Variants in KMO observed in about 807,000 individuals in gnomAD.
KMO encodes the protein kynurenine 3-monooxygenase, also known as kynurenine 3-hydroxylase.
KMO carries 24 observed loss-of-function variants against 57.8 expected under a neutral mutation model. The ratio of observed to expected loss-of-function variants is 0.42; its 90% confidence interval spans 0.30 to 0.58. The LOEUF (loss-of-function observed/expected upper bound fraction) is 0.58, where lower values mean the gene tolerates loss of function less well. Among genes scored for constraint, KMO ranks in the 20% least tolerant of loss-of-function variants. KMO has a pLI of 0.22. For synonymous variants in KMO, 210 were observed against 193.6 expected, an observed-to-expected ratio of 1.08 and a Z score of -0.70; for missense variants, 483 against 588.2, an observed-to-expected ratio of 0.82 and a Z score of 1.85.
At chr1:241,539,599 C>T (rs911271918) in intron 1 of KMO, among the ~76,000 whole-genome samples, 6 of 152,210 alleles carry the variant, frequency 3.9e-5, no homozygotes, top group South Asian at 2.1e-4. Flanking sequence ...GAATCTCTTT[C>T]GTGTGCTTTG....
chr1:241,539,605 C>A (rs1660884098), intron 1 of KMO, among the ~76,000 whole-genome samples: 1 of 152,196 alleles, frequency 6.6e-6, no homozygotes, highest in South Asian at 2.1e-4. Context: ...CTTTCGTGTG[C>A]TTTGCAGTTA....
chr1:241,567,317 G>T (rs537802673), intron 9 of KMO, among the ~76,000 whole-genome samples: 2 of 152,326 alleles, frequency 1.3e-5, no homozygotes, highest in South Asian at 4.1e-4. Context: ...AGCAGATTCG[G>T]TGTCTGGTGA....
At chr1:241,533,082 C>T (rs1165738971) in intron 1 of KMO, among the ~76,000 whole-genome samples, 1 of 152,220 alleles carries the variant, frequency 6.6e-6, no homozygotes, top group Non-Finnish European at 1.5e-5. Context: ...TCACTGAGCA[C>T]GTGACGTAAA....
Position 241,580,684 on chromosome 1 carries a change from A to G in KMO, c.958-5995A>G, listed in dbSNP as rs1030472202. 5.9e-5 allele frequency among the ~76,000 whole-genome samples: 9 copies of G among 152,012 alleles called. No homozygotes were observed. The East Asian group carries it at 1.5e-3, about 26-fold the overall frequency. ...AAAGTTTCTCTTGTTATTTATTTCT[A>G]GTTTCATCTCACTGTGGTCAGAAAA... On this transcript the variant is annotated intron_variant, in intron 10 of 14. Transcript: ENST00000366559.
At chr1:241,584,101 G>A (rs561200241) in intron 10 of KMO, among the ~76,000 whole-genome samples, 54 of 152,006 alleles carry the variant, frequency 3.6e-4, no homozygotes, top group Non-Finnish European at 6.9e-4. Context: ...TTTACATTAG[G>A]TATTTCTCCT....
intron 10 of KMO, among the ~76,000 whole-genome samples, chr1:241,578,170 C>G (rs1356247001): frequency 6.6e-6 from 1 of 152,116 alleles, no homozygotes; most frequent in East Asian, 1.9e-4. Context: ...ATGGGAGAAG[C>G]CCCATTCCCA....
chr1:241,568,774 A>G (rs889948034), intron 10 of KMO, 127 bp downstream of exon 10: 2 of 885,374 alleles, frequency 2.3e-6, no homozygotes, highest in South Asian at 1.8e-5. Flanking sequence ...CAATTCAGCA[A>G]TCATACCAGC....
In KMO at chr1:241,592,776, A is replaced by ATCTATCTG. The variant is rs1553352729; in HGVS notation, c.*630_*631insGTCTATCT. The ATCTATCTG allele has an allele frequency of 1.4e-5, 2 of 147,710 alleles. No homozygotes were observed. The highest frequency in any genetic ancestry group is 3.0e-5 in the Non-Finnish European group (2 of 66,466). 9.1% of individuals were successfully genotyped at this position (147,710 alleles called of 1,614,324 possible). On this transcript the variant is annotated 3_prime_UTR_variant, in exon 15 of 15. Coordinates refer to ENST00000366559, the MANE Select transcript of KMO (RefSeq NM_003679.5). ...CTATCATCTATCTATCTATCTATCT[A>ATCTATCTG]TCTATCTATCTATCTATCTATCTCT...
chr1:241,548,585 TAA>T (rs34302807), intron 1 of KMO, among the ~76,000 whole-genome samples: 6 of 142,762 alleles, frequency 4.2e-5, no homozygotes, highest in Non-Finnish European at 7.7e-5. Context: ...TATAAAAAAG[TAA>T]AAAAAAAAAA....
At chr1:241,566,721 A>G (rs1662093807) in intron 9 of KMO, 109 bp downstream of exon 9, 1 of 1,154,320 alleles carries the variant, frequency 8.7e-7, no homozygotes, top group Non-Finnish European at 1.3e-6. Context: ...ATCATGCAGT[A>G]ACCTGGACAG....
At chr1:241,545,514 T>G (rs1227381762) in intron 1 of KMO, among the ~76,000 whole-genome samples, 4 of 152,176 alleles carry the variant, frequency 2.6e-5, no homozygotes, top group Non-Finnish European at 5.9e-5. Flanking sequence ...TCTGTGTCTC[T>G]TCACATCATC....
chr1:241,555,889 C>T, intron 5 of KMO: 1 of 369,942 alleles, frequency 2.7e-6, no homozygotes, highest in East Asian at 4.0e-5. Flanking sequence ...AATTTGAGAC[C>T]CGCCTGGGCA....
rs185531889 is a variant in KMO at position 241,539,153 on chromosome 1, T to G, written c.54+6655T>G. On this transcript the variant is annotated intron_variant, in intron 1 of 14. Coordinates refer to ENST00000366559, the MANE Select transcript of KMO (RefSeq NM_003679.5). ...ATCCTAGCACTTTGGGAGTCCGAGG[T>G]GGGTGGATTGCCTGAGCTCAAGAGT... Among the ~76,000 whole-genome samples the G allele has an allele frequency of 1.7e-3, 255 of 151,906 alleles. 4 individuals carry two copies. The highest frequency in any genetic ancestry group is 0.016 in the Admixed American group (237 of 15,250).
rs141353930 is a variant in KMO at position 241,559,643 on chromosome 1, G to T, written c.362-1022G>T. Among the ~76,000 whole-genome samples the T allele has an allele frequency of 3.5e-3, 527 of 152,046 alleles. 3 individuals carry two copies. The highest frequency in any genetic ancestry group is 0.012 in the African/African-American group (493 of 41,496). Reference sequence around the variant, plus strand: ...CCCCAAATCAAACTGAAACAAAAAAGAGTAAAATAAGACAAGATTGAGATG... The same window carrying T: ...CCCCAAATCAAACTGAAACAAAAAATAGTAAAATAAGACAAGATTGAGATG... On this transcript the variant is annotated intron_variant, in intron 5 of 14. Coordinates refer to ENST00000366559, the MANE Select transcript of KMO (RefSeq NM_003679.5).
chr1:241,541,077 A>T (rs1017754492), intron 1 of KMO, among the ~76,000 whole-genome samples: 4 of 152,238 alleles, frequency 2.6e-5, no homozygotes, highest in African/African-American at 4.8e-5. Flanking sequence ...AAATAAAAAG[A>T]AGATGACTAG....
In KMO at chr1:241,583,504, C is replaced by T. The variant is rs938052469; in HGVS notation, c.958-3175C>T. On this transcript the variant is annotated intron_variant, in intron 10 of 14. Transcript: ENST00000366559. ...TTATTGTGGCTTAGCTGGTACCTAA[C>T]TAACTAGTAAGACAAAGACCTCTAT... Among the ~76,000 whole-genome samples, 4 of 152,198 alleles carry T rather than the reference C, an allele frequency of 2.6e-5. No individual in the cohort carries two copies. In the East Asian group the frequency reaches 5.8e-4, roughly 22 times the overall value.
rs1245186566 is a variant in KMO at position 241,587,851 on chromosome 1, T to G, written c.1016-897T>G. On this transcript the variant is annotated intron_variant, in intron 11 of 14. Coordinates refer to ENST00000366559, the MANE Select transcript of KMO (RefSeq NM_003679.5). ...CCTTCCTAGTCCTGATGTGATTGGT[T>G]TGCACATGACCATGGAGGTGGATGG... is the stretch of plus-strand genomic sequence containing the variant. Among the ~76,000 whole-genome samples, 6 of 152,228 alleles carry G rather than the reference T, an allele frequency of 3.9e-5. No individual in the cohort carries two copies. The East Asian group carries it at 9.7e-4, about 25-fold the overall frequency.
At chr1:241,578,852 C>G (rs1185715614) in intron 10 of KMO, among the ~76,000 whole-genome samples, 2 of 152,040 alleles carry the variant, frequency 1.3e-5, no homozygotes, top group Non-Finnish European at 2.9e-5. Flanking sequence ...CTAGGGAGGC[C>G]TCACAATTAT....
chr1:241,586,285 A>C (rs760137520), intron 10 of KMO, among the ~76,000 whole-genome samples: 1 of 134,510 alleles, frequency 7.4e-6, no homozygotes, highest in Non-Finnish European at 1.5e-5. Context: ...TGCAACCTCC[A>C]TCTCCCAGGT....
Sources: allele counts gnomAD v4.1 joint callset (sites outside exome capture counted in the v4.1 genomes callset), GRCh38; gene constraint gnomAD v4.1.1; transcripts MANE v1.5; gene names NCBI Gene and HGNC (gene_info 2026-07-23, HGNC 2026-07-21).